Variants in ADCY3 observed in about 807,000 individuals in gnomAD.
The protein encoded by ADCY3 is adenylate cyclase 3.
In ADCY3, 70 loss-of-function variants were observed where a neutral mutation model predicts 119.4. The observed-to-expected ratio is 0.59, with a 90% CI of 0.48 to 0.72. The LOEUF (loss-of-function observed/expected upper bound fraction) is 0.72. Among genes scored for constraint, ADCY3 ranks in the 30% least tolerant of loss-of-function variants. The probability of loss-of-function intolerance (pLI) is 0.00; values close to 1 mark genes in which losing one functional copy is unlikely to be tolerated. For synonymous variants in ADCY3, 672 were observed against 621.4 expected (o/e 1.08, Z -1.21); for missense variants, 1,238 against 1,541.6 (o/e 0.80, Z 3.30).
At chr2:24,888,934 G>A (rs1265489280) in intron 2 of ADCY3, among the ~76,000 whole-genome samples, 13 of 152,180 alleles carry the variant, frequency 8.5e-5, no homozygotes, top group Admixed American at 2.0e-4. Flanking sequence ...GCTTGAACCC[G>A]GGAGGCAGAG....
chr2:24,869,550 C>A (rs912056476), intron 3 of ADCY3, among the ~76,000 whole-genome samples: 1 of 152,142 alleles, frequency 6.6e-6, no homozygotes, highest in African/African-American at 2.4e-5. Context: ...GGACTACAGG[C>A]ATGCACCACC....
At chr2:24,825,342 GGGGGGGTGCGGGGGGGGT>G (rs915222725) in intron 16 of ADCY3, among the ~76,000 whole-genome samples, 2 of 19,550 alleles carry the variant, frequency 1.0e-4, no homozygotes, top group East Asian at 4.2e-3. Flanking sequence ...GGCGGGGGGG[GGGGGGGTGCGGGGGGGGT>G]GTCTCACTTT....
intron 3 of ADCY3, among the ~76,000 whole-genome samples, chr2:24,843,631 A>G (rs1035509452): frequency 6.6e-6 from 1 of 152,226 alleles, no homozygotes; most frequent in African/African-American, 2.4e-5. Context: ...CTCTTGTCAG[A>G]AGAGGTCTGT....
At chr2:24,875,966 A>T (rs1422476228) in intron 2 of ADCY3, among the ~76,000 whole-genome samples, 5 of 145,926 alleles carry the variant, frequency 3.4e-5, no homozygotes, top group African/African-American at 1.3e-4. Context: ...TTTTCCCAGA[A>T]AGGAGTGTGG....
Position 24,872,523 on chromosome 2 carries a change from A to C in ADCY3, c.825+47T>G. ...GTTCCTCTCCCTCTGACAAGGCCAC[A>C]GTCCCTGAGCCCAAGCTCCAGGCCC... On this transcript the variant is annotated intron_variant, in intron 3 of 21. Transcript: ENST00000679454. The surrounding 1 kb of genome is among the most constrained non-coding windows in gnomAD (Gnocchi z 4.4). 1.9e-6 allele frequency: 3 copies of C among 1,594,256 alleles called. No individual in the cohort carries two copies. Among genetic ancestry groups the C allele is most frequent in the Non-Finnish European group, 2.6e-6 (3 of 1,169,360 alleles).
intron 3 of ADCY3, among the ~76,000 whole-genome samples, chr2:24,849,677 G>A (rs1672061942): frequency 2.6e-5 from 4 of 152,178 alleles, no homozygotes; most frequent in Admixed American, 2.6e-4. Flanking sequence ...GAGTCATTCT[G>A]GTAACAAGAC....
rs80129052 is a variant in ADCY3 at position 24,848,558 on chromosome 2, G to A, written c.826-6174C>T. 3.3e-3 allele frequency among the ~76,000 whole-genome samples: 504 copies of A among 152,240 alleles called. 6 individuals are homozygous for A. The highest frequency in any genetic ancestry group is 0.011 in the African/African-American group (472 of 41,534). On this transcript the variant is annotated intron_variant, in intron 3 of 21. Coordinates refer to ENST00000679454, the MANE Select transcript of ADCY3 (RefSeq NM_004036.5). ...CCACTGGGTTAGGGTCTCCCCAGCC[G>A]AGCTGGTCTCGGCATAAGGCAGGAT...
chr2:24,838,860 T>TGG, intron 7 of ADCY3: 1 of 1,603,062 alleles, frequency 6.2e-7, no homozygotes, highest in South Asian at 1.1e-5. Flanking sequence ...CATCTCAGCC[T>TGG]CAGTGTTGGA....
rs1671156334 is a variant in ADCY3 at position 24,842,631 on chromosome 2, T to C, written c.826-247A>G. ...CAACTGAGGGGAGCCAGAAACGCAG[T>C]GAAGCATCCCAACGTGGCTCTGTGC... On this transcript the variant is annotated intron_variant, in intron 3 of 21. Coordinates refer to ENST00000679454, the MANE Select transcript of ADCY3 (RefSeq NM_004036.5). The surrounding 1 kb of genome is among the most constrained non-coding windows in gnomAD (Gnocchi z 4.9). 1 of 500,666 alleles carries C rather than the reference T, an allele frequency of 2.0e-6. No homozygotes were observed. Among genetic ancestry groups the C allele is most frequent in the Non-Finnish European group, 3.6e-6 (1 of 274,514 alleles). The allele number at this position is 500,666 out of a possible 1,614,324, so 31.0% of individuals were successfully genotyped here.
At chr2:24,850,157 G>A (rs1672125885) in intron 3 of ADCY3, among the ~76,000 whole-genome samples, 1 of 152,018 alleles carries the variant, frequency 6.6e-6, no homozygotes, top group Non-Finnish European at 1.5e-5. Flanking sequence ...CCCCTGCCCA[G>A]GGGTGTCTGT....
At chr2:24,822,404 G>A in intron 19 of ADCY3, 107 bp downstream of exon 19, 1 of 1,476,960 alleles carries the variant, frequency 6.8e-7, no homozygotes, top group Non-Finnish European at 9.2e-7. Flanking sequence ...GTGTGTGTCT[G>A]GGACCACTTT....
chr2:24,889,848 T>C (rs1349362683), intron 2 of ADCY3, among the ~76,000 whole-genome samples: 2 of 152,118 alleles, frequency 1.3e-5, no homozygotes, highest in African/African-American at 2.4e-5. Flanking sequence ...AATAAATAAA[T>C]GAATAAATAA....
At chr2:24,870,321 C>CAA (rs34685288) in intron 3 of ADCY3, among the ~76,000 whole-genome samples, 1,035 of 87,250 alleles carry the variant, frequency 0.012, 21 homozygotes, top group African/African-American at 0.042. Context: ...GACTCCATGT[C>CAA]AAAAAAAAAA....
At chr2:24,881,144 T>C (rs1389769163) in intron 2 of ADCY3, among the ~76,000 whole-genome samples, 2 of 152,196 alleles carry the variant, frequency 1.3e-5, no homozygotes, top group African/African-American at 2.4e-5. Flanking sequence ...TTTTGTTTTG[T>C]GCTTCTCCCG....
At chr2:24,820,245 C>G (rs1667374690) in intron 21 of ADCY3, 131 bp from the exon 22 acceptor site, 4 of 1,198,660 alleles carry the variant, frequency 3.3e-6, no homozygotes, top group South Asian at 1.9e-5. Context: ...CTCCCCAAAC[C>G]TCCCAGGGCC....
Position 24,898,691 on chromosome 2 carries a change from C to T in ADCY3, c.675+19622G>A, listed in dbSNP as rs776721840. On this transcript the variant is annotated intron_variant, in intron 2 of 21. Coordinates refer to ENST00000679454, the MANE Select transcript of ADCY3 (RefSeq NM_004036.5). This position sits in a 1 kb window ranked among gnomAD's most constrained non-coding sequence, Gnocchi z 4.3. ...GCAGAAGCCACAGGTCCCAGGAAACCGCACAGCTCCCGGCTCCAGGTCTCT... is the reference window on the plus strand; with the variant it reads ...GCAGAAGCCACAGGTCCCAGGAAACTGCACAGCTCCCGGCTCCAGGTCTCT... Among the ~76,000 whole-genome samples the T allele has an allele frequency of 3.9e-5, 6 of 152,162 alleles. No homozygotes were observed. The highest frequency in any genetic ancestry group is 5.9e-5 in the Non-Finnish European group (4 of 68,024).
intron 3 of ADCY3, among the ~76,000 whole-genome samples, chr2:24,848,130 A>G (rs1671865660): frequency 6.6e-6 from 1 of 152,250 alleles, no homozygotes; most frequent in African/African-American, 2.4e-5. Flanking sequence ...AAATCTCTGC[A>G]GCACTGTGAC....
At chr2:24,854,631 G>A (rs565848845) in intron 3 of ADCY3, among the ~76,000 whole-genome samples, 2 of 152,282 alleles carry the variant, frequency 1.3e-5, no homozygotes, top group African/African-American at 2.4e-5. Flanking sequence ...AAAGGATAGA[G>A]GTCATAGTCT....
intron 2 of ADCY3, among the ~76,000 whole-genome samples, chr2:24,913,937 A>G (rs72849304): frequency 6.6e-6 from 1 of 152,088 alleles, no homozygotes; most frequent in Non-Finnish European, 1.5e-5. Context: ...CTACTTTGCC[A>G]AATGCTAAAG....
Sources: allele counts gnomAD v4.1 joint callset (sites outside exome capture counted in the v4.1 genomes callset), GRCh38; gene constraint gnomAD v4.1.1; non-coding constraint Gnocchi (gnomAD v3.1); transcripts MANE v1.5; gene names NCBI Gene and HGNC (gene_info 2026-07-23, HGNC 2026-07-21).